Variants in RABIF observed in about 807,000 individuals in gnomAD.
RABIF encodes the protein guanine nucleotide exchange factor MSS4.
A neutral mutation model predicts 12.3 loss-of-function variants in RABIF; 13 were observed. The ratio of observed to expected loss-of-function variants is 1.06; its 90% CI spans 0.69 to 1.68. The LOEUF (loss-of-function observed/expected upper bound fraction) is 1.68, where lower values mean the gene tolerates loss of function less well. Ranked by LOEUF, RABIF falls within the 40% of genes most tolerant of loss-of-function variation. RABIF has a pLI of 0.00. For synonymous variants in RABIF, 70 were observed against 63.3 expected, an observed-to-expected ratio of 1.11 and a Z score of -0.50; for missense variants, 153 against 158.0, an observed-to-expected ratio of 0.97 and a Z score of 0.17.
At position 202,879,999 on chromosome 1, in the gene RABIF, G is replaced by A. The variant is rs1007918448; in HGVS notation, c.*979C>T. 1 of 152,222 alleles carries A rather than the reference G, an allele frequency of 6.6e-6. No individual in the cohort carries two copies. Among genetic ancestry groups the A allele is most frequent in the African/African-American group, 2.4e-5 (1 of 41,454 alleles). The allele number at this position is 152,222 out of a possible 1,614,324, so 9.4% of individuals were successfully genotyped here. ...TATCCATGCATCTGGATGGAAGTTT[G>A]TATCCTGGGTTGGCACAGAGATTCC... is the stretch of plus-strand genomic sequence containing the variant. On this transcript the variant is annotated 3_prime_UTR_variant, in exon 2 of 2. Transcript: ENST00000367262.
Position 202,880,851 on chromosome 1 carries a change from T to C in RABIF, c.*127A>G. The C allele has an allele frequency of 6.6e-7, 1 of 1,506,948 alleles. No individual in the cohort carries two copies. 93.3% of individuals were successfully genotyped at this position (1,506,948 alleles called of 1,614,324 possible). A position where few individuals can be genotyped will look rare whatever the true frequency, so the allele number is the denominator to read the frequency against. On this transcript the variant is annotated 3_prime_UTR_variant, in exon 2 of 2. Transcript: ENST00000367262. ...AACCCTCTGCATGTTCAAATGGACA[T>C]GCTGGTACTCAGTATTTATATTAGC...
At chr1:202,885,971 A>G (rs1413641083) in intron 1 of RABIF, among the ~76,000 whole-genome samples, 1 of 151,612 alleles carries the variant, frequency 6.6e-6, no homozygotes, top group African/African-American at 2.4e-5. Context: ...ACCCAAAAAA[A>G]AAAAAACCCA....
At chr1:202,888,254 C>G (rs1270562845) in intron 1 of RABIF, among the ~76,000 whole-genome samples, 1 of 151,694 alleles carries the variant, frequency 6.6e-6, no homozygotes, top group Non-Finnish European at 1.5e-5. Context: ...TTCTCACTTG[C>G]GATGATGGTG....
At chr1:202,884,442 G>A (rs1265694216) in intron 1 of RABIF, among the ~76,000 whole-genome samples, 2 of 151,932 alleles carry the variant, frequency 1.3e-5, no homozygotes, top group African/African-American at 4.8e-5. Context: ...CTTTGGTCTG[G>A]GCAGGCCATG....
intron 1 of RABIF, among the ~76,000 whole-genome samples, chr1:202,885,086 C>CA (rs113531957): frequency 0.029 from 3,523 of 119,512 alleles, 213 homozygotes; most frequent in African/African-American, 0.071. Flanking sequence ...GACTCTATCT[C>CA]AAAAAAAAAA....
intron 1 of RABIF, among the ~76,000 whole-genome samples, chr1:202,882,209 C>T (rs1659501325): frequency 1.3e-5 from 2 of 152,050 alleles, no homozygotes; most frequent in African/African-American, 4.8e-5. Context: ...GTGAGACCCC[C>T]ATCTCTACAA....
At chr1:202,887,793 C>A (rs916527640) in intron 1 of RABIF, among the ~76,000 whole-genome samples, 1 of 152,062 alleles carries the variant, frequency 6.6e-6, no homozygotes, top group African/African-American at 2.4e-5. Flanking sequence ...CATGAGCCAC[C>A]GCGCCCAGCC....
Position 202,881,407 on chromosome 1 carries a change from C to CA in RABIF, c.127-185_127-184insT, listed in dbSNP as rs531340200. Among the ~76,000 whole-genome samples the CA allele has an allele frequency of 3.9e-3, 588 of 149,120 alleles. 3 individuals carry two copies. Among genetic ancestry groups the CA allele is most frequent in the African/African-American group, 0.014 (556 of 40,678 alleles). ...TTTGCCTCTGGTCTCTGCCCTGATT[C>CA]TTTTTTTTTTGTGAGACAGATTCTC... On this transcript the variant is annotated intron_variant, in intron 1 of 1. Transcript: ENST00000367262.
At chr1:202,885,201 A>G (rs547068391) in intron 1 of RABIF, among the ~76,000 whole-genome samples, 80 of 152,262 alleles carry the variant, frequency 5.3e-4, no homozygotes, top group African/African-American at 1.9e-3. Context: ...GACAACTAAA[A>G]ATGTCTCCAG....
chr1:202,880,799 G>C lies in RABIF; in HGVS notation c.*179C>G, dbSNP rs1023001294. ...ACAAAGTGAACTAAGCAGGAGGCAT[G>C]TACTTGAGGCTTTAGGAAGCAGGAT... is the stretch of plus-strand genomic sequence containing the variant. On this transcript the variant is annotated 3_prime_UTR_variant, in exon 2 of 2. Coordinates refer to ENST00000367262, the MANE Select transcript of RABIF (RefSeq NM_002871.5). 4 of 1,401,346 alleles carry C rather than the reference G, an allele frequency of 2.9e-6. No homozygotes were observed. The highest frequency in any genetic ancestry group is 2.9e-5 in the Admixed American group (1 of 34,748). The allele number at this position is 1,401,346 out of a possible 1,614,324, so 86.8% of individuals were successfully genotyped here.
In RABIF at chr1:202,881,157, G is replaced by T. The variant is rs1422149259; in HGVS notation, c.193C>A (p.Leu65Ile). ...SDGSNPDGDL[L>I]QEHWLVEDMF... ...TCCTCAACCAGCCAGTGTTCCTGGAGGAGATCGCCGTCAGGATTGCTGCCG... is the reference window on the plus strand; with the variant it reads ...TCCTCAACCAGCCAGTGTTCCTGGATGAGATCGCCGTCAGGATTGCTGCCG... The change falls in exon 2 of 2, where the codon CTC (leucine) becomes ATC (isoleucine). Residue 65 changes from leucine to isoleucine, a missense_variant. This residue lies in a region of RABIF where 113 missense variants were observed against 90.9 expected (regional missense o/e 1.24). Coordinates refer to ENST00000367262, the MANE Select transcript of RABIF (RefSeq NM_002871.5). 1 of 1,614,190 alleles carries T rather than the reference G, an allele frequency of 6.2e-7. No individual in the cohort carries two copies. Among genetic ancestry groups the T allele is most frequent in the South Asian group, 1.1e-5 (1 of 91,082 alleles).
intron 1 of RABIF, among the ~76,000 whole-genome samples, chr1:202,886,685 C>T (rs955503334): frequency 3.9e-5 from 6 of 152,102 alleles, no homozygotes; most frequent in African/African-American, 1.4e-4. Context: ...TCACTTGAGC[C>T]CAGGAGTTGG....
Position 202,880,946 on chromosome 1 carries a change from T to C in RABIF, c.*32A>G. The C allele has an allele frequency of 1.2e-6, 2 of 1,608,902 alleles. No individual in the cohort carries two copies. Among genetic ancestry groups the C allele is most frequent in the Admixed American group, 1.7e-5 (1 of 59,802 alleles). ...GTTCTTGTGGGGAGTAGGTTTATCT[T>C]TGGAGATGGAGCTGAGTACCCCTCC... On this transcript the variant is annotated 3_prime_UTR_variant, in exon 2 of 2. Transcript: ENST00000367262.
Position 202,878,920 on chromosome 1 carries a change from A to G in RABIF, c.*2058T>C, listed in dbSNP as rs1376438804. 5 of 152,188 alleles carry G rather than the reference A, an allele frequency of 3.3e-5. No homozygotes were observed. Among genetic ancestry groups the G allele is most frequent in the Admixed American group, 2.6e-4 (4 of 15,278 alleles). 9.4% of individuals were successfully genotyped at this position (152,188 alleles called of 1,614,324 possible). Reference sequence around the variant, plus strand: ...GTTTCAGCTCTCCTTTGTTTTTTCAATTTATATATTCTTCCCAAGGACATG... The same window carrying G: ...GTTTCAGCTCTCCTTTGTTTTTTCAGTTTATATATTCTTCCCAAGGACATG... On this transcript the variant is annotated 3_prime_UTR_variant, in exon 2 of 2. Coordinates refer to ENST00000367262, the MANE Select transcript of RABIF (RefSeq NM_002871.5).
chr1:202,886,067 G>A (rs904706206), intron 1 of RABIF, among the ~76,000 whole-genome samples: 1 of 151,510 alleles, frequency 6.6e-6, no homozygotes, highest in Non-Finnish European at 1.5e-5. Flanking sequence ...CTAGAATAGG[G>A]ACCACTGTGT....
rs1659446699 is a variant in RABIF, at chr1:202,878,786, T to C, written c.*2192A>G. 6.6e-6 allele frequency among the ~76,000 whole-genome samples: 1 copy of C among 152,206 alleles called. No individual in the cohort carries two copies. Among genetic ancestry groups the C allele is most frequent in the Admixed American group, 6.5e-5 (1 of 15,278 alleles). ...CAGCAAATAGCAGCTGATTCACAAG[T>C]ATGTACTGAGAGCCTATTAGGTGTG... is the stretch of plus-strand genomic sequence containing the variant. On this transcript the variant is annotated 3_prime_UTR_variant, in exon 2 of 2. Coordinates refer to ENST00000367262, the MANE Select transcript of RABIF (RefSeq NM_002871.5).
At chr1:202,885,976 A>C (rs1659555073) in intron 1 of RABIF, among the ~76,000 whole-genome samples, 1 of 149,684 alleles carries the variant, frequency 6.7e-6, no homozygotes, top group South Asian at 2.2e-4. Flanking sequence ...AAAAAAAAAA[A>C]ACCCACCTTT....
At position 202,880,170 on chromosome 1, in the gene RABIF, C is replaced by G. The variant is rs1011135245; in HGVS notation, c.*808G>C. 3 of 152,240 alleles carry G rather than the reference C, an allele frequency of 2.0e-5. No individual in the cohort carries two copies. The highest frequency in any genetic ancestry group is 2.9e-5 in the Non-Finnish European group (2 of 68,044). 9.4% of individuals were successfully genotyped at this position (152,240 alleles called of 1,614,324 possible). ...AAACTTTTGTATAATGTGGCAAAGG[C>G]CTAACCCTCATATCCTACACCCTCC... is the stretch of plus-strand genomic sequence containing the variant. On this transcript the variant is annotated 3_prime_UTR_variant, in exon 2 of 2. Transcript: ENST00000367262.
At position 202,880,899 on chromosome 1, in the gene RABIF, A is replaced by C; in HGVS notation, c.*79T>G. 6.4e-7 allele frequency: 1 copy of C among 1,562,926 alleles called. No homozygotes were observed. Among genetic ancestry groups the C allele is most frequent in the Non-Finnish European group, 8.7e-7 (1 of 1,153,992 alleles). ...AGCACAGACAAGAAGGCAGCGGAACAGTTATACCACATTAAAGGCCAGTTC... is the reference window on the plus strand; with the variant it reads ...AGCACAGACAAGAAGGCAGCGGAACCGTTATACCACATTAAAGGCCAGTTC... On this transcript the variant is annotated 3_prime_UTR_variant, in exon 2 of 2. Transcript: ENST00000367262.
Sources: allele counts gnomAD v4.1 joint callset (sites outside exome capture counted in the v4.1 genomes callset), GRCh38; gene constraint gnomAD v4.1.1; regional missense constraint gnomAD v4.1.1; transcripts MANE v1.5; gene names NCBI Gene and HGNC (gene_info 2026-07-23, HGNC 2026-07-21).